The following MNAT1 variants were observed in gnomAD, a reference collection of about 807,000 sequenced individuals.
MNAT1 encodes MNAT1 component of CDK activating kinase.
A neutral mutation model predicts 42.0 loss-of-function variants in MNAT1; 43 were observed. The observed-to-expected ratio is 1.02, with a 90% CI of 0.80 to 1.32. The LOEUF (loss-of-function observed/expected upper bound fraction) is 1.32, where lower values mean the gene tolerates loss of function less well. Ranked by LOEUF, MNAT1 falls within the 40% of genes most tolerant of loss-of-function variation. MNAT1 has a pLI of 0.00. For missense variants in MNAT1, 306 were observed against 350.4 expected (o/e 0.87, Z 1.01); for synonymous variants, 118 against 120.0 (o/e 0.98, Z 0.11).
intron 6 of MNAT1, among the ~76,000 whole-genome samples, chr14:60,851,305 T>G (rs990520640): frequency 2.0e-5 from 3 of 152,212 alleles, no homozygotes; most frequent in African/African-American, 7.2e-5. Context: ...TGGTGATTAA[T>G]GTCAATGCAT....
chr14:60,902,893 A>G (rs1239466668), intron 7 of MNAT1, among the ~76,000 whole-genome samples: 1 of 152,028 alleles, frequency 6.6e-6, no homozygotes, highest in Non-Finnish European at 1.5e-5. Flanking sequence ...AATAGTTTCT[A>G]TACCTAGTTC....
intron 1 of MNAT1, among the ~76,000 whole-genome samples, chr14:60,755,251 C>G (rs747483221): frequency 2.0e-5 from 3 of 152,032 alleles, no homozygotes; most frequent in Non-Finnish European, 4.4e-5. Context: ...TCAAGTGATT[C>G]TTCTGCCTCA....
At chr14:60,893,643 T>G (rs2034890471) in intron 7 of MNAT1, among the ~76,000 whole-genome samples, 1 of 152,284 alleles carries the variant, frequency 6.6e-6, no homozygotes, top group South Asian at 2.1e-4. Context: ...TTCCTATCAA[T>G]GTACCACAGG....
chr14:60,773,082 C>A (rs2031121256), intron 1 of MNAT1, among the ~76,000 whole-genome samples: 1 of 151,856 alleles, frequency 6.6e-6, no homozygotes, highest in Non-Finnish European at 1.5e-5. Flanking sequence ...GGATTACAGG[C>A]ACACGCCACC....
intron 6 of MNAT1, among the ~76,000 whole-genome samples, chr14:60,844,544 G>T (rs913654420): frequency 6.6e-6 from 1 of 151,904 alleles, no homozygotes; most frequent in African/African-American, 2.4e-5. Flanking sequence ...TTTTTACATT[G>T]GGCTTGCGTG....
At chr14:60,959,760 C>A (rs143661267) in intron 7 of MNAT1, among the ~76,000 whole-genome samples, 1 of 152,096 alleles carries the variant, frequency 6.6e-6, no homozygotes, top group African/African-American at 2.4e-5. Flanking sequence ...GTGAAGAAAA[C>A]GAAGGCTGGG....
At chr14:60,831,033 G>A (rs139735775) in intron 6 of MNAT1, among the ~76,000 whole-genome samples, 81 of 151,060 alleles carry the variant, frequency 5.4e-4, no homozygotes, top group African/African-American at 1.9e-3. Flanking sequence ...GAGAGTGTCT[G>A]GCATCTTCTC....
At chr14:60,883,726 G>C (rs1461093482) in intron 7 of MNAT1, among the ~76,000 whole-genome samples, 2 of 151,786 alleles carry the variant, frequency 1.3e-5, no homozygotes, top group East Asian at 3.9e-4. Flanking sequence ...AATATCTTTT[G>C]TGTGTGTGTG....
intron 1 of MNAT1, among the ~76,000 whole-genome samples, chr14:60,735,761 G>A (rs1246908174): frequency 1.3e-5 from 2 of 152,228 alleles, no homozygotes; most frequent in Non-Finnish European, 1.5e-5. Flanking sequence ...TTTTGAAACA[G>A]GGATTGGTCA....
chr14:60,968,448 C>T lies in MNAT1; in HGVS notation c.*99C>T, dbSNP rs1016663213. The T allele has an allele frequency of 6.5e-7, 1 of 1,533,880 alleles. No homozygotes were observed. The highest frequency in any genetic ancestry group is 8.7e-7 in the Non-Finnish European group (1 of 1,143,832). On this transcript the variant is annotated 3_prime_UTR_variant, in exon 8 of 8. Coordinates refer to ENST00000261245, the MANE Select transcript of MNAT1 (RefSeq NM_002431.4). ...CTATGTGCAGCTGCACAACACAGTC[C>T]TTCCACTAGCAGCTGTGTTAAAGTA...
At chr14:60,869,040 A>ATATATATTTTT (rs1465360826) in intron 6 of MNAT1, among the ~76,000 whole-genome samples, 154 of 113,006 alleles carry the variant, frequency 1.4e-3, no homozygotes, top group Middle Eastern at 5.1e-3. Flanking sequence ...ATATATATAT[A>ATATATATTTTT]TTTTTTTTTT....
At chr14:60,946,228 A>T (rs1301958636) in intron 7 of MNAT1, among the ~76,000 whole-genome samples, 3 of 152,198 alleles carry the variant, frequency 2.0e-5, no homozygotes, top group Non-Finnish European at 2.9e-5. Context: ...TAGTCGCTTC[A>T]TCAACCCTGA....
intron 4 of MNAT1, among the ~76,000 whole-genome samples, chr14:60,811,040 T>C (rs116766218): frequency 0.03 from 4,535 of 152,254 alleles, 110 homozygotes; most frequent in South Asian, 0.11. Context: ...TGTTTATAAT[T>C]GTTATATCTT....
chr14:60,879,904 T>G, intron 7 of MNAT1, 69 bp downstream of exon 7: 1 of 1,508,506 alleles, frequency 6.6e-7, no homozygotes. Flanking sequence ...TTAACTGACA[T>G]GTTAACATTC....
intron 6 of MNAT1, among the ~76,000 whole-genome samples, chr14:60,855,980 A>G (rs1290620740): frequency 6.6e-6 from 1 of 152,170 alleles, no homozygotes; most frequent in East Asian, 1.9e-4. Context: ...TAGACACAAC[A>G]ATATTTAAAA....
chr14:60,910,458 G>A (rs2035323417), intron 7 of MNAT1, among the ~76,000 whole-genome samples: 1 of 152,040 alleles, frequency 6.6e-6, no homozygotes, highest in Non-Finnish European at 1.5e-5. Context: ...ATTGGCTGTG[G>A]GTTTGTCATA....
At chr14:60,847,718 AT>A (rs1040952382) in intron 6 of MNAT1, among the ~76,000 whole-genome samples, 1 of 151,994 alleles carries the variant, frequency 6.6e-6, no homozygotes, top group African/African-American at 2.4e-5. Flanking sequence ...TACTATGCAT[AT>A]TTTTAAGTGT....
chr14:60,802,547 G>A (rs913728151), intron 3 of MNAT1, among the ~76,000 whole-genome samples: 1 of 152,146 alleles, frequency 6.6e-6, no homozygotes, highest in Admixed American at 6.5e-5. Flanking sequence ...ACTAAAGAGT[G>A]AGAAATGACT....
intron 3 of MNAT1, among the ~76,000 whole-genome samples, chr14:60,804,060 C>T (rs182922992): frequency 6.6e-6 from 1 of 152,222 alleles, no homozygotes; most frequent in Admixed American, 6.5e-5. Flanking sequence ...GCAGAGAATA[C>T]TTATCTTAAA....
Sources: allele counts gnomAD v4.1 joint callset (sites outside exome capture counted in the v4.1 genomes callset), GRCh38; gene constraint gnomAD v4.1.1; transcripts MANE v1.5; gene names NCBI Gene and HGNC (gene_info 2026-07-23, HGNC 2026-07-21).